SLC5A4: variants seen among roughly 807,000 people sequenced by gnomAD.
SLC5A4 encodes the protein probable glucose sensor protein SLC5A4.
Under a neutral mutation model 70.3 loss-of-function variants are expected in SLC5A4, and 55 were observed. The ratio of observed to expected loss-of-function variants is 0.78; its 90% CI spans 0.63 to 0.98. The LOEUF (loss-of-function observed/expected upper bound fraction) is 0.98, where lower values mean the gene tolerates loss of function less well. Ranked by LOEUF, SLC5A4 falls within the 50% of genes least tolerant of loss-of-function variation. SLC5A4 has a pLI of 0.00. For missense variants in SLC5A4, 735 were observed against 839.2 expected (o/e 0.88, Z 1.53); for synonymous variants, 268 against 305.7 (o/e 0.88, Z 1.29).
the SLC5A4 span, among the ~76,000 whole-genome samples, chr22:32,279,406 G>A: frequency 6.6e-6 from 1 of 152,260 alleles, no homozygotes; most frequent in Non-Finnish European, 1.5e-5. Flanking sequence ...AATAATCGCT[G>A]AGAGCTGGAG....
the SLC5A4 span, among the ~76,000 whole-genome samples, chr22:32,314,998 A>G: frequency 0.52 from 78,450 of 152,090 alleles, 20,842 homozygotes; most frequent in East Asian, 0.72. Flanking sequence ...CTTTGGGTAC[A>G]GCCACAGCCA....
the SLC5A4 span, among the ~76,000 whole-genome samples, chr22:32,291,640 A>C: frequency 0.48 from 73,472 of 151,872 alleles, 17,911 homozygotes; most frequent in Admixed American, 0.52. Flanking sequence ...TTCTTTACCA[A>C]GATAGGCTCT....
At chr22:32,336,610 T>C in the SLC5A4 span, among the ~76,000 whole-genome samples, 1 of 152,168 alleles carries the variant, frequency 6.6e-6, no homozygotes, top group South Asian at 2.1e-4. Context: ...CTGTTTCCTT[T>C]CTCCTGACAG....
the SLC5A4 span, among the ~76,000 whole-genome samples, chr22:32,306,769 C>T: frequency 2.6e-5 from 4 of 152,298 alleles, no homozygotes; most frequent in South Asian, 2.1e-4. Context: ...TTGCAGCCCC[C>T]CACCTCGTTA....
the SLC5A4 span, among the ~76,000 whole-genome samples, chr22:32,293,770 G>T: frequency 6.6e-6 from 1 of 151,576 alleles, no homozygotes; most frequent in Admixed American, 6.6e-5. Context: ...AAGACACTTT[G>T]GTATATTTTT....
At chr22:32,331,845 G>A in the SLC5A4 span, among the ~76,000 whole-genome samples, 1 of 152,028 alleles carries the variant, frequency 6.6e-6, no homozygotes, top group Non-Finnish European at 1.5e-5. Context: ...GGTTCCTCCT[G>A]CCACGGGTGG....
intron 5 of SLC5A4, among the ~76,000 whole-genome samples, chr22:32,245,696 T>G (rs77462619): frequency 6.6e-6 from 1 of 152,172 alleles, no homozygotes; most frequent in Non-Finnish European, 1.5e-5. Flanking sequence ...AATTTTTGTA[T>G]GTTTAGTAGA....
the SLC5A4 span, chr22:32,270,856 G>A: frequency 3.6e-6 from 2 of 551,926 alleles, no homozygotes; most frequent in Middle Eastern, 3.4e-4. Flanking sequence ...ACCTGGTGCT[G>A]CACAAGCCCC....
the SLC5A4 span, among the ~76,000 whole-genome samples, chr22:32,323,345 G>C: frequency 1.3e-5 from 2 of 152,190 alleles, no homozygotes; most frequent in Non-Finnish European, 2.9e-5. Context: ...TCAGGAGCCT[G>C]TATGTTCCCC....
At chr22:32,310,468 G>A in the SLC5A4 span, among the ~76,000 whole-genome samples, 6 of 151,946 alleles carry the variant, frequency 3.9e-5, no homozygotes, top group Non-Finnish European at 8.8e-5. Context: ...TGCCCCAGCT[G>A]GGCTAGCAGA....
At chr22:32,239,581 T>TA (rs1491176544) in intron 5 of SLC5A4, among the ~76,000 whole-genome samples, 8 of 26,966 alleles carry the variant, frequency 3.0e-4, no homozygotes, top group East Asian at 1.6e-3. Flanking sequence ...TATATATATA[T>TA]TTATATATAT....
the SLC5A4 span, among the ~76,000 whole-genome samples, chr22:32,353,640 C>G: frequency 1.3e-5 from 2 of 151,834 alleles, no homozygotes; most frequent in Non-Finnish European, 2.9e-5. Context: ...CCAGATAGCG[C>G]CTCCAACACC....
chr22:32,332,938 CCTG>C, the SLC5A4 span, among the ~76,000 whole-genome samples: 5 of 152,176 alleles, frequency 3.3e-5, no homozygotes, highest in Admixed American at 6.5e-5. Flanking sequence ...TCCTTTGCCT[CCTG>C]CTATGAATTT....
the SLC5A4 span, chr22:32,272,848 C>T: frequency 3.9e-6 from 2 of 512,390 alleles, no homozygotes; most frequent in South Asian, 1.5e-5. Context: ...GCTGCCCATG[C>T]AGGAGAAAAC....
At chr22:32,310,295 A>G in the SLC5A4 span, among the ~76,000 whole-genome samples, 2 of 152,116 alleles carry the variant, frequency 1.3e-5, no homozygotes, top group African/African-American at 4.8e-5. Context: ...TTAAATACCC[A>G]TCTGACTCCT....
At chr22:32,254,058 G>T in intron 2 of SLC5A4, 84 bp downstream of exon 2, 1 of 1,075,174 alleles carries the variant, frequency 9.3e-7, no homozygotes, top group Non-Finnish European at 1.4e-6. Context: ...TGGGATTACA[G>T]GCGTGAGACA....
chr22:32,306,465 CA>C, the SLC5A4 span, among the ~76,000 whole-genome samples: 41,456 of 135,642 alleles, frequency 0.31, 6,666 homozygotes, highest in African/African-American at 0.47. Context: ...GACTCGGTCT[CA>C]AAAAAAAAAA....
At chr22:32,239,556 ATATATATATATATT>A (rs1569374865) in intron 5 of SLC5A4, among the ~76,000 whole-genome samples, 1 of 20,890 alleles carries the variant, frequency 4.8e-5, no homozygotes, top group South Asian at 9.4e-4. Context: ...ATATATATAT[ATATATATATATATT>A]TATATATATA....
chr22:32,242,782 A>G (rs1176634864), intron 5 of SLC5A4, among the ~76,000 whole-genome samples: 1 of 152,228 alleles, frequency 6.6e-6, no homozygotes, highest in Non-Finnish European at 1.5e-5. Context: ...GTATCAGTCC[A>G]TATCAGTAAT....
Sources: allele counts gnomAD v4.1 joint callset (sites outside exome capture counted in the v4.1 genomes callset), GRCh38; gene constraint gnomAD v4.1.1; transcripts MANE v1.5; gene names NCBI Gene and HGNC (gene_info 2026-07-23, HGNC 2026-07-21).